CFAP107: variants seen among roughly 807,000 people sequenced by gnomAD.
CFAP107 encodes the protein cilia and flagella associated protein 107.
At chr1:12,752,269 T>G in the CFAP107 span, among the ~76,000 whole-genome samples, 1 of 151,956 alleles carries the variant, frequency 6.6e-6, no homozygotes, top group African/African-American at 2.4e-5. Context: ...CATGACCAAG[T>G]GAGATTCCTT....
At chr1:12,759,543 A>G in the CFAP107 span, 17 of 1,594,964 alleles carry the variant, frequency 1.1e-5, no homozygotes, top group East Asian at 3.8e-4. Flanking sequence ...TGCACAGACC[A>G]ACGGAGCTGT....
At chr1:12,754,819 G>A in the CFAP107 span, among the ~76,000 whole-genome samples, 1 of 152,314 alleles carries the variant, frequency 6.6e-6, no homozygotes, top group East Asian at 1.9e-4. Flanking sequence ...AGTTCATACA[G>A]AGAAAGTAGA....
chr1:12,755,125 G>A, the CFAP107 span, among the ~76,000 whole-genome samples: 1 of 152,144 alleles, frequency 6.6e-6, no homozygotes, highest in South Asian at 2.1e-4. Flanking sequence ...AGAAAGGGAG[G>A]GCCGGGCACA....
At chr1:12,758,582 C>T in the CFAP107 span, among the ~76,000 whole-genome samples, 4 of 152,138 alleles carry the variant, frequency 2.6e-5, no homozygotes, top group Non-Finnish European at 5.9e-5. Flanking sequence ...CAGACACAGG[C>T]CTCCCTGTCT....
At chr1:12,757,384 T>C in the CFAP107 span, among the ~76,000 whole-genome samples, 1 of 139,432 alleles carries the variant, frequency 7.2e-6, no homozygotes, top group South Asian at 2.3e-4. Flanking sequence ...TTCCTTTTTT[T>C]CTTTTCTTTT....
At chr1:12,746,348 T>C in the CFAP107 span, 77 of 1,122,802 alleles carry the variant, frequency 6.9e-5, no homozygotes, top group Non-Finnish European at 9.9e-5. Context: ...CACCCCAAAC[T>C]CAGCAACTTC....
chr1:12,760,852 T>C, the CFAP107 span: 9 of 1,614,166 alleles, frequency 5.6e-6, no homozygotes, highest in Middle Eastern at 1.6e-4. Flanking sequence ...AGAGCACTTA[T>C]ACTTCATCCT....
chr1:12,758,219 C>T, the CFAP107 span, among the ~76,000 whole-genome samples: 9 of 152,174 alleles, frequency 5.9e-5, no homozygotes, highest in Admixed American at 1.3e-4. Flanking sequence ...ACAAGCTCTC[C>T]TTTCAAAGGT....
chr1:12,748,172 C>A, the CFAP107 span, among the ~76,000 whole-genome samples: 1 of 152,084 alleles, frequency 6.6e-6, no homozygotes, highest in Non-Finnish European at 1.5e-5. Flanking sequence ...AGTGGAGCAA[C>A]ATTTGAACCT....
At chr1:12,758,131 G>A in the CFAP107 span, among the ~76,000 whole-genome samples, 2 of 152,056 alleles carry the variant, frequency 1.3e-5, no homozygotes, top group Non-Finnish European at 2.9e-5. Flanking sequence ...TCTGCCTCCC[G>A]ACCAGAGACC....
the CFAP107 span, among the ~76,000 whole-genome samples, chr1:12,752,681 A>G: frequency 1.3e-5 from 2 of 151,784 alleles, no homozygotes; most frequent in Admixed American, 1.3e-4. Flanking sequence ...ACTTCTTTTT[A>G]TAAAGAAAAG....
chr1:12,751,338 G>A, the CFAP107 span, among the ~76,000 whole-genome samples: 1 of 152,074 alleles, frequency 6.6e-6, no homozygotes, highest in Non-Finnish European at 1.5e-5. Context: ...CAATAAAACC[G>A]AGTTGGGACC....
chr1:12,760,814 C>T, the CFAP107 span: 4 of 1,613,976 alleles, frequency 2.5e-6, no homozygotes, highest in African/African-American at 4.0e-5. Context: ...CAAGCAGAGA[C>T]AGCTCACACC....
At chr1:12,755,790 TG>T in the CFAP107 span, 1 of 1,613,036 alleles carries the variant, frequency 6.2e-7, no homozygotes, top group African/African-American at 1.3e-5. Context: ...GATCTCCAGG[TG>T]GTATGGGAAG....
chr1:12,752,659 G>A, the CFAP107 span, among the ~76,000 whole-genome samples: 1 of 149,764 alleles, frequency 6.7e-6, no homozygotes, highest in South Asian at 2.1e-4. Context: ...AAAAAGCATT[G>A]TGCAAAATTA....
chr1:12,756,095 C>T, the CFAP107 span, among the ~76,000 whole-genome samples: 1 of 152,198 alleles, frequency 6.6e-6, no homozygotes, highest in African/African-American at 2.4e-5. Context: ...CAAGAAATAG[C>T]AACCAAAGGT....
chr1:12,749,474 A>G, the CFAP107 span, among the ~76,000 whole-genome samples: 5 of 152,154 alleles, frequency 3.3e-5, no homozygotes, highest in African/African-American at 1.2e-4. Flanking sequence ...AGCTGGGCAC[A>G]GTGGTATATG....
chr1:12,756,511 T>G, the CFAP107 span, among the ~76,000 whole-genome samples: 3 of 152,218 alleles, frequency 2.0e-5, no homozygotes, highest in Non-Finnish European at 4.4e-5. Flanking sequence ...AGGCACAGCC[T>G]GGGGAGAGCA....
chr1:12,749,185 C>T, the CFAP107 span, among the ~76,000 whole-genome samples: 44 of 152,152 alleles, frequency 2.9e-4, no homozygotes, highest in African/African-American at 9.9e-4. Flanking sequence ...CAATGAACTC[C>T]AAGTATAAAA....
Sources: allele counts gnomAD v4.1 joint callset (sites outside exome capture counted in the v4.1 genomes callset), GRCh38; gene constraint gnomAD v4.1.1; transcripts MANE v1.5; gene names NCBI Gene and HGNC (gene_info 2026-07-23, HGNC 2026-07-21).